ITGA1: variants seen among roughly 807,000 people sequenced by gnomAD.
The protein encoded by ITGA1 is integrin subunit alpha 1, also known as integrin alpha-1.
In ITGA1, 85 loss-of-function variants were observed where a neutral mutation model predicts 145.9. The observed-to-expected ratio is 0.58, with a 90% CI of 0.49 to 0.70. The LOEUF is 0.70. ITGA1 is among the 30% of genes least tolerant of loss of function. The pLI is 0.00. For missense variants in ITGA1, 1,351 were observed against 1,418.7 expected (o/e 0.95, Z 0.77); for synonymous variants, 520 against 495.3 (o/e 1.05, Z -0.66).
rs916919614 is a variant in ITGA1 at position 52,907,017 on chromosome 5, T to A, written c.1455+1109T>A. ...ACTGCACTCTGGGAAGTCAAAAATATGTCATCTTCATCAGGTACTTATAAT... is the reference window on the plus strand; with the variant it reads ...ACTGCACTCTGGGAAGTCAAAAATAAGTCATCTTCATCAGGTACTTATAAT... On this transcript the variant is annotated intron_variant, in intron 12 of 28. Coordinates refer to ENST00000282588, the MANE Select transcript of ITGA1 (RefSeq NM_181501.2). Among the ~76,000 whole-genome samples, 11 of 152,324 alleles carry A rather than the reference T, an allele frequency of 7.2e-5. No homozygotes were observed. The East Asian group carries it at 1.9e-3, about 27-fold the overall frequency.
At chr5:52,794,230 A>T (rs558887881) in intron 1 of ITGA1, among the ~76,000 whole-genome samples, 7 of 152,052 alleles carry the variant, frequency 4.6e-5, no homozygotes, top group Admixed American at 4.6e-4. Context: ...ATAAATGCAA[A>T]TTCTTAAATT....
chr5:52,898,559 A>C (rs2111831070), intron 11 of ITGA1, among the ~76,000 whole-genome samples, 176 bp downstream of exon 11: 1 of 152,264 alleles, frequency 6.6e-6, no homozygotes, highest in Middle Eastern at 3.4e-3. Flanking sequence ...TAGTTAGTCA[A>C]AATGACATAC....
rs1750450212 is a variant in ITGA1 at position 52,908,775 on chromosome 5, C to T, written c.1456-123C>T. The T allele has an allele frequency of 4.0e-6, 4 of 1,012,464 alleles. No homozygotes were observed. The East Asian group carries it at 1.0e-4, about 25-fold the overall frequency. 62.7% of individuals were successfully genotyped at this position (1,012,464 alleles called of 1,614,324 possible). On this transcript the variant is annotated intron_variant, in intron 12 of 28. Coordinates refer to ENST00000282588, the MANE Select transcript of ITGA1 (RefSeq NM_181501.2). The stretch of plus-strand genomic sequence containing the variant: ...ACTTTCAGGGAGCATCAATTTTTAT[C>T]TTTCATTTCCTTTGCCAACTAGCTC...
chr5:52,949,765 C>T (rs1327192243), intron 28 of ITGA1, among the ~76,000 whole-genome samples: 1 of 152,132 alleles, frequency 6.6e-6, no homozygotes. Context: ...AAGGCTAATC[C>T]CACTTCCCCC....
At chr5:52,872,791 T>C (rs913521463) in intron 6 of ITGA1, among the ~76,000 whole-genome samples, 1 of 152,090 alleles carries the variant, frequency 6.6e-6, no homozygotes, top group African/African-American at 2.4e-5. Context: ...TCTCAAGCGC[T>C]GTATTCTAGG....
At chr5:52,890,215 G>T (rs1904164) in intron 8 of ITGA1, among the ~76,000 whole-genome samples, 71,248 of 151,822 alleles carry the variant, frequency 0.47, 17,125 homozygotes, top group East Asian at 0.58. Context: ...CCTCAACCCT[G>T]GCTCTACTTT....
intron 6 of ITGA1, 101 bp from the exon 7 acceptor site, chr5:52,881,772 C>A: frequency 9.3e-7 from 1 of 1,075,300 alleles, no homozygotes; most frequent in Non-Finnish European, 1.3e-6. Flanking sequence ...GGTTTGCAAA[C>A]TCATCTGAAA....
At chr5:52,901,236 G>A (rs1214036140) in intron 11 of ITGA1, among the ~76,000 whole-genome samples, 3 of 152,186 alleles carry the variant, frequency 2.0e-5, no homozygotes, top group African/African-American at 7.2e-5. Context: ...GCCAAAAACT[G>A]TAGATGGCTC....
Position 52,849,420 on chromosome 5 carries a change from C to T in ITGA1, c.117C>T (p.Phe39=), listed in dbSNP as rs1435908146. Residue 39 remains phenylalanine, a synonymous_variant, in exon 2 of 29, where the codon TTC becomes TTT. Coordinates refer to ENST00000282588, the MANE Select transcript of ITGA1 (RefSeq NM_181501.2). ...FNVDVKNSMT[F]SGPVEDMFGY... ...TTGATGTGAAAAATTCAATGACTTT[C>T]AGCGGCCCGGTGGAAGACATGTTTG... 1 of 1,612,120 alleles carries T rather than the reference C, an allele frequency of 6.2e-7. No individual in the cohort carries two copies. Among genetic ancestry groups the T allele is most frequent in the South Asian group, 1.1e-5 (1 of 90,936 alleles).
chr5:52,814,294 GCAACCCC>G (rs1748730550), intron 1 of ITGA1, among the ~76,000 whole-genome samples: 1 of 152,110 alleles, frequency 6.6e-6, no homozygotes, highest in South Asian at 2.1e-4. Context: ...CCACAGGCAT[GCAACCCC>G]TCACCCAGCT....
rs760264936 is a variant in ITGA1, at chr5:52,865,812, A to T, written c.619A>T (p.Thr207Ser). 1 of 1,582,112 alleles carries T rather than the reference A, an allele frequency of 6.3e-7. No individual in the cohort carries two copies. Among genetic ancestry groups the T allele is most frequent in the Non-Finnish European group, 8.6e-7 (1 of 1,169,046 alleles). ...LERMDIGPKQ[T>S]QVGIVQYGEN... is the part of the protein sequence containing the mutation. The stretch of plus-strand genomic sequence containing the variant: ...AAGAATGGATATTGGTCCTAAACAG[A>T]CACAGGTATGTGACTTTGTGTTTTG... The change falls in exon 6 of 29, where the codon ACA becomes TCA. Residue 207 changes from threonine to serine, a missense_variant. Transcript: ENST00000282588.
chr5:52,822,468 C>A (rs147885611), intron 1 of ITGA1, among the ~76,000 whole-genome samples: 1 of 152,212 alleles, frequency 6.6e-6, no homozygotes, highest in East Asian at 1.9e-4. Context: ...CAGAGCTAGA[C>A]AATCTCAAAC....
chr5:52,895,493 A>T (rs1365642219), intron 9 of ITGA1, among the ~76,000 whole-genome samples: 2 of 152,216 alleles, frequency 1.3e-5, no homozygotes, highest in Non-Finnish European at 2.9e-5. Flanking sequence ...ATGGGCTAAG[A>T]TATGATAGAA....
At chr5:52,819,599 C>T (rs1310787851) in intron 1 of ITGA1, among the ~76,000 whole-genome samples, 1 of 152,090 alleles carries the variant, frequency 6.6e-6, no homozygotes, top group Non-Finnish European at 1.5e-5. Context: ...CTGTAGGTTG[C>T]CTATTCACTC....
intron 1 of ITGA1, among the ~76,000 whole-genome samples, chr5:52,798,861 A>G (rs558147166): frequency 2.6e-5 from 4 of 152,312 alleles, no homozygotes; most frequent in East Asian, 3.9e-4. Context: ...TGTGGGCAAA[A>G]TATGAGCGAG....
At chr5:52,952,382 G>T in intron 28 of ITGA1, 25 bp from the exon 29 acceptor site, 1 of 1,331,202 alleles carries the variant, frequency 7.5e-7, no homozygotes, top group Non-Finnish European at 1.0e-6. Flanking sequence ...AGTTAATTGT[G>T]TTATGTTTTG....
In ITGA1 at chr5:52,927,623, A is replaced by C. The variant is rs964045399; in HGVS notation, c.2653A>C (p.Thr885Pro). Residue 885 changes from threonine (T) to proline (P), a missense_variant, in exon 20 of 29, where the codon ACA becomes CCA. Coordinates refer to ENST00000282588, the MANE Select transcript of ITGA1 (RefSeq NM_181501.2). ...KDSCESNHNI[T>P]CKVGYPFLRR... ...CAGTTGTGAATCTAATCATAATATC[A>C]CATGTAAAGTTGGATATCCCTTCCT... 1 of 1,611,728 alleles carries C rather than the reference A, an allele frequency of 6.2e-7. No homozygotes were observed. The highest frequency in any genetic ancestry group is 1.7e-5 in the Admixed American group (1 of 59,914).
intron 6 of ITGA1, among the ~76,000 whole-genome samples, chr5:52,877,704 G>A (rs1749889063): frequency 6.6e-6 from 1 of 152,212 alleles, no homozygotes; most frequent in South Asian, 2.1e-4. Context: ...CAGTCACGGA[G>A]CCGTAAGGCC....
At chr5:52,925,602 T>G in intron 19 of ITGA1, 115 bp downstream of exon 19, 1 of 772,146 alleles carries the variant, frequency 1.3e-6, no homozygotes, top group Non-Finnish European at 2.1e-6. Flanking sequence ...TAGAAGGAAT[T>G]TTTTACATTA....
Sources: allele counts gnomAD v4.1 joint callset (sites outside exome capture counted in the v4.1 genomes callset), GRCh38; gene constraint gnomAD v4.1.1; transcripts MANE v1.5; gene names NCBI Gene and HGNC (gene_info 2026-07-23, HGNC 2026-07-21).